Variants in DICER1 observed in about 807,000 individuals in gnomAD.
DICER1 encodes endoribonuclease Dicer.
In DICER1, 43 loss-of-function variants were observed where a neutral mutation model predicts 194.1. The observed-to-expected ratio is 0.22, with a 90% confidence interval of 0.17 to 0.29. The LOEUF (loss-of-function observed/expected upper bound fraction) is 0.29. Ranked by LOEUF, DICER1 falls within the 10% of genes least tolerant of loss-of-function variation. The pLI is 1.00. For missense variants in DICER1, 1,608 were observed against 2,317.0 expected, an observed-to-expected ratio of 0.69 and a Z score of 6.28; for synonymous variants, 832 against 820.5, an observed-to-expected ratio of 1.01 and a Z score of -0.24.
intron 22 of DICER1, among the ~76,000 whole-genome samples, chr14:95,098,056 T>C (rs1890525207): frequency 6.6e-6 from 1 of 152,146 alleles, no homozygotes; most frequent in South Asian, 2.1e-4. Context: ...CTTCTGTATC[T>C]TTAGAAAGGT....
intron 14 of DICER1, among the ~76,000 whole-genome samples, chr14:95,108,939 G>C (rs1278610077): frequency 6.6e-6 from 1 of 152,092 alleles, no homozygotes; most frequent in Admixed American, 6.5e-5. Context: ...CTCAAAGACA[G>C]CCTTTATTAA....
chr14:95,093,736 A>G (rs1890047386), intron 24 of DICER1, 152 bp downstream of exon 24: 1 of 833,786 alleles, frequency 1.2e-6, no homozygotes, highest in Non-Finnish European at 2.1e-6. Flanking sequence ...TGCAAACTGC[A>G]GTTCACTCGT....
chr14:95,154,287 T>C (rs894780426), intron 1 of DICER1, among the ~76,000 whole-genome samples: 3 of 152,192 alleles, frequency 2.0e-5, no homozygotes, highest in African/African-American at 4.8e-5. Flanking sequence ...AGAAAACTCA[T>C]ACTGCAATAA....
At chr14:95,123,839 C>CT (rs1265006641) in intron 8 of DICER1, among the ~76,000 whole-genome samples, 1 of 150,594 alleles carries the variant, frequency 6.6e-6, no homozygotes, top group Non-Finnish European at 1.5e-5. Flanking sequence ...AACACAATGT[C>CT]TAACACATAG....
rs1895966620 is a variant in DICER1 at position 95,157,398 on chromosome 14, TGC to T, written c.-216_-215del. ...TCAGGTTACTCCATTCACCTGGGCCTGCAGCAGCCTGCGCCGCGCCTCCGCCT... is the reference window on the plus strand; with the variant it reads ...TCAGGTTACTCCATTCACCTGGGCCTAGCAGCCTGCGCCGCGCCTCCGCCT... On this transcript the variant is annotated 5_prime_UTR_variant, in exon 1 of 27. Coordinates refer to ENST00000343455, the MANE Select transcript of DICER1 (RefSeq NM_177438.3). 6.6e-6 allele frequency: 1 copy of T among 152,390 alleles called. No homozygotes were observed. Among genetic ancestry groups the T allele is most frequent in the Admixed American group, 6.6e-5 (1 of 15,204 alleles). The allele number at this position is 152,390 out of a possible 1,614,324, so 9.4% of individuals were successfully genotyped here.
intron 21 of DICER1, among the ~76,000 whole-genome samples, 191 bp downstream of exon 21, chr14:95,103,155 C>G (rs1215970147): frequency 6.6e-6 from 1 of 152,154 alleles, no homozygotes; most frequent in Non-Finnish European, 1.5e-5. Flanking sequence ...TAAAGCAATA[C>G]TCATCAACTG....
rs1889635530 is a variant in DICER1, at chr14:95,089,917, T to C, written c.*581A>G. ...CACCAACATGCCAGCCAATGTTCAT[T>C]AAAAATCTGTCCCTTACTATCAGGT... is the stretch of plus-strand genomic sequence containing the variant. On this transcript the variant is annotated 3_prime_UTR_variant, in exon 27 of 27. Coordinates refer to ENST00000343455, the MANE Select transcript of DICER1 (RefSeq NM_177438.3). 1 of 233,296 alleles carries C rather than the reference T, an allele frequency of 4.3e-6. No individual in the cohort carries two copies. Among genetic ancestry groups the C allele is most frequent in the Admixed American group, 5.6e-5 (1 of 17,834 alleles). The allele number at this position is 233,296 out of a possible 1,614,324, so 14.5% of individuals were successfully genotyped here.
rs1187652 is a variant in DICER1, at chr14:95,088,868, C to T, written c.*1630G>A. On this transcript the variant is annotated 3_prime_UTR_variant, in exon 27 of 27. Coordinates refer to ENST00000343455, the MANE Select transcript of DICER1 (RefSeq NM_177438.3). The stretch of plus-strand genomic sequence containing the variant: ...ACTTACATATAAATGCAGCATTCCA[C>T]GAAGCATCAAGTTCAGAATCATGTG... 0.98 allele frequency: 228,671 copies of T among 233,544 alleles called. 111,976 individuals carry two copies. The highest frequency in any genetic ancestry group is 1 in the East Asian group (16,530 of 16,532). 14.5% of individuals were successfully genotyped at this position (233,544 alleles called of 1,614,324 possible). A position where few individuals can be genotyped will look rare whatever the true frequency, so the allele number is the denominator to read the frequency against.
intron 24 of DICER1, 110 bp from the exon 25 acceptor site, chr14:95,091,475 G>T: frequency 1.0e-6 from 1 of 971,766 alleles, no homozygotes; most frequent in Non-Finnish European, 1.7e-6. Flanking sequence ...CTTTAGTAAG[G>T]GGGGAAATAC....
intron 8 of DICER1, among the ~76,000 whole-genome samples, chr14:95,120,618 T>C (rs1277468863): frequency 6.6e-6 from 1 of 152,150 alleles, no homozygotes; most frequent in Non-Finnish European, 1.5e-5. Context: ...GATGAGGGTA[T>C]GTCAAAGGGA....
At chr14:95,092,773 C>T (rs1889959922) in intron 24 of DICER1, among the ~76,000 whole-genome samples, 1 of 152,196 alleles carries the variant, frequency 6.6e-6, no homozygotes, top group African/African-American at 2.4e-5. Context: ...CCACTGGCAT[C>T]CAAAGAGAGC....
chr14:95,115,985 ATCCC>A (rs1049416718), intron 10 of DICER1, among the ~76,000 whole-genome samples, 164 bp from the exon 11 acceptor site: 40 of 151,792 alleles, frequency 2.6e-4, no homozygotes, highest in African/African-American at 9.2e-4. Context: ...CTTCCAATGA[ATCCC>A]TCCCAGTTCC....
intron 11 of DICER1, 120 bp from the exon 12 acceptor site, chr14:95,113,344 G>T: frequency 1.0e-6 from 1 of 992,510 alleles, no homozygotes; most frequent in Non-Finnish European, 1.6e-6. Flanking sequence ...TTTATATGTG[G>T]CATTTAAACT....
At chr14:95,155,001 C>A (rs72708477) in intron 1 of DICER1, among the ~76,000 whole-genome samples, 3,115 of 152,220 alleles carry the variant, frequency 0.02, 38 homozygotes, top group Non-Finnish European at 0.031. Flanking sequence ...GCCCTGAAAT[C>A]CATTTGGAAC....
intron 9 of DICER1, among the ~76,000 whole-genome samples, 196 bp from the exon 10 acceptor site, chr14:95,116,891 T>C (rs1391144957): frequency 1.3e-5 from 2 of 152,178 alleles, no homozygotes; most frequent in African/African-American, 2.4e-5. Context: ...ACAAAGAAAC[T>C]GATTTAATGA....
intron 2 of DICER1, among the ~76,000 whole-genome samples, 195 bp from the exon 3 acceptor site, chr14:95,132,872 G>A (rs1351634238): frequency 2.6e-5 from 4 of 152,220 alleles, no homozygotes; most frequent in African/African-American, 9.7e-5. Flanking sequence ...ATATACAGCT[G>A]TATTGTGTAA....
rs1232901009 is a variant in DICER1, at chr14:95,124,960, A to G, written c.904-292T>C. On this transcript the variant is annotated intron_variant, in intron 7 of 26. Transcript: ENST00000343455. The surrounding 1 kb of genome is among the most constrained non-coding windows in gnomAD (Gnocchi z 4.5). ...TTTAGATCTGTAATTAGTTAAAACT[A>G]TACCTGAGTCATTTACTTCCTGCCA... Among the ~76,000 whole-genome samples the G allele has an allele frequency of 6.6e-6, 1 of 152,246 alleles. No individual in the cohort carries two copies. Among genetic ancestry groups the G allele is most frequent in the Non-Finnish European group, 1.5e-5 (1 of 68,044 alleles).
intron 8 of DICER1, among the ~76,000 whole-genome samples, chr14:95,123,633 T>G (rs1464189241): frequency 6.6e-6 from 1 of 152,204 alleles, no homozygotes; most frequent in African/African-American, 2.4e-5. Context: ...TTGCCCCTTG[T>G]GAACTCAAAC....
chr14:95,116,472 G>A lies in DICER1; in HGVS notation c.1733C>T (p.Thr578Ile), dbSNP rs1060503586. ...TCTTACCTTTTCAATAGCTTTGTAG[G>A]TTTTAAGGTCTTCTTCAAAACTTTT... ...KIKSFEEDLK[T>I]YKAIEKILRN... Residue 578 changes from threonine (T) to isoleucine (I), a missense_variant, in exon 10 of 27, where the codon ACC (threonine) becomes ATC (isoleucine). Coordinates refer to ENST00000343455, the MANE Select transcript of DICER1 (RefSeq NM_177438.3). 1 of 1,612,506 alleles carries A rather than the reference G, an allele frequency of 6.2e-7. No homozygotes were observed. The highest frequency in any genetic ancestry group is 1.1e-5 in the South Asian group (1 of 91,054).
Sources: gnomAD v4.1 joint callset for allele counts (sites outside exome capture counted in the v4.1 genomes callset) on GRCh38, gnomAD v4.1.1 for gene constraint, Gnocchi (gnomAD v3.1) non-coding constraint, MANE v1.5 for transcripts, NCBI Gene and HGNC (gene_info 2026-07-23, HGNC 2026-07-21) for gene names.